KIF26B: variants seen among roughly 807,000 people sequenced by gnomAD.
KIF26B encodes kinesin-like protein KIF26B.
In KIF26B, 63 loss-of-function variants were observed where a neutral mutation model predicts 151.2. The ratio of observed to expected loss-of-function variants is 0.42; its 90% CI spans 0.34 to 0.51. The LOEUF is 0.51. Among genes scored for constraint, KIF26B ranks in the 20% least tolerant of loss-of-function variants. The pLI, the probability that KIF26B is intolerant of heterozygous loss-of-function variation, is 0.07. For missense variants in KIF26B, 2,813 were observed against 2,913.6 expected (o/e 0.97, Z 0.79); for synonymous variants, 1,357 against 1,262.1 (o/e 1.08, Z -1.59).
At chr1:245,691,289 C>T (rs537118529) in intron 12 of KIF26B, among the ~76,000 whole-genome samples, 1 of 152,358 alleles carries the variant, frequency 6.6e-6, no homozygotes, top group South Asian at 2.1e-4. Context: ...CGCCCTTGCT[C>T]TGGGCTAAGT....
Position 245,702,024 on chromosome 1 carries a change from G to A in KIF26B, c.6179-434G>A, listed in dbSNP as rs773422927. Among the ~76,000 whole-genome samples, 59 of 152,202 alleles carry A rather than the reference G, an allele frequency of 3.9e-4. No homozygotes were observed. The highest frequency in any genetic ancestry group is 1.2e-3 in the African/African-American group (48 of 41,446). The stretch of plus-strand genomic sequence containing the variant: ...GGCATCTGGGTTATAATCCAGAAAC[G>A]TCCTTTCATATAAGGAAGCAGAGGT... On this transcript the variant is annotated intron_variant, in intron 14 of 14. Coordinates refer to ENST00000407071, the MANE Select transcript of KIF26B (RefSeq NM_018012.4). This position sits in a 1 kb window ranked among gnomAD's most constrained non-coding sequence, Gnocchi z 4.1.
At chr1:245,174,874 T>C (rs979852152) in intron 2 of KIF26B, among the ~76,000 whole-genome samples, 3 of 152,202 alleles carry the variant, frequency 2.0e-5, no homozygotes, top group Non-Finnish European at 4.4e-5. Flanking sequence ...ATTTACCTTT[T>C]TGCAGGTGTC....
At chr1:245,612,138 C>T (rs1490699650) in intron 9 of KIF26B, among the ~76,000 whole-genome samples, 162 bp downstream of exon 9, 1 of 146,208 alleles carries the variant, frequency 6.8e-6, no homozygotes, top group African/African-American at 2.5e-5. Flanking sequence ...GAGACAGGGT[C>T]TTGCTCTGTC....
intron 2 of KIF26B, among the ~76,000 whole-genome samples, chr1:245,267,612 C>A (rs1174376113): frequency 6.7e-6 from 1 of 148,528 alleles, no homozygotes; most frequent in Non-Finnish European, 1.5e-5. Flanking sequence ...AGAACAGATA[C>A]TACTGGCGAC....
At chr1:245,620,434 C>T (rs552050384) in intron 9 of KIF26B, among the ~76,000 whole-genome samples, 1 of 152,234 alleles carries the variant, frequency 6.6e-6, no homozygotes, top group African/African-American at 2.4e-5. Flanking sequence ...GGGTCTCACT[C>T]TGTCACCCAG....
At chr1:245,577,034 G>A (rs2043125270) in intron 5 of KIF26B, among the ~76,000 whole-genome samples, 1 of 152,082 alleles carries the variant, frequency 6.6e-6, no homozygotes, top group Admixed American at 6.5e-5. Flanking sequence ...TTTATGTTAT[G>A]ATTCATATCT....
At chr1:245,549,787 C>CT (rs35606217) in intron 5 of KIF26B, among the ~76,000 whole-genome samples, 46,985 of 148,380 alleles carry the variant, frequency 0.32, 7,877 homozygotes, top group Non-Finnish European at 0.38. Flanking sequence ...CCGATACATT[C>CT]TTTTTTTTTT....
intron 3 of KIF26B, among the ~76,000 whole-genome samples, chr1:245,398,496 G>A (rs1434814536): frequency 6.6e-6 from 1 of 152,050 alleles, no homozygotes; most frequent in East Asian, 1.9e-4. Context: ...AGACACCTGG[G>A]ATGATCCTGA....
rs1324776884 is a variant in KIF26B at position 245,509,422 on chromosome 1, T to TGTAG, written c.1167-31344_1167-31341dup. 6.6e-5 allele frequency among the ~76,000 whole-genome samples: 10 copies of TGTAG among 152,296 alleles called. No homozygotes were observed. The East Asian group carries it at 1.9e-3, about 29-fold the overall frequency. On this transcript the variant is annotated intron_variant, in intron 4 of 14. Coordinates refer to ENST00000407071, the MANE Select transcript of KIF26B (RefSeq NM_018012.4). ...CAGGTAAAGGGAACAGCATAGCACG[T>TGTAG]GTAGTGATTCTTCTCCCTCCTCATT...
At position 245,167,443 on chromosome 1, in the gene KIF26B, G is replaced by A. The variant is rs772375371; in HGVS notation, c.465+10760G>A. Among the ~76,000 whole-genome samples, 1 of 152,058 alleles carries A rather than the reference G, an allele frequency of 6.6e-6. No homozygotes were observed. Among genetic ancestry groups the A allele is most frequent in the Non-Finnish European group, 1.5e-5 (1 of 68,030 alleles). On this transcript the variant is annotated intron_variant, in intron 2 of 14. Coordinates refer to ENST00000407071, the MANE Select transcript of KIF26B (RefSeq NM_018012.4). This position sits in a 1 kb window ranked among gnomAD's most constrained non-coding sequence, Gnocchi z 4.2. The stretch of plus-strand genomic sequence containing the variant: ...CACTTCCCCATGAAACTCTATCATC[G>A]TATTTAGAGTGGTTGCTTTCTTTGG...
chr1:245,391,844 T>G (rs1256593245), intron 3 of KIF26B, among the ~76,000 whole-genome samples: 1 of 152,048 alleles, frequency 6.6e-6, no homozygotes, highest in African/African-American at 2.4e-5. Flanking sequence ...TCTAGTATGG[T>G]GACTATCAAT....
intron 2 of KIF26B, among the ~76,000 whole-genome samples, chr1:245,162,753 A>G (rs568863775): frequency 2.8e-4 from 42 of 152,330 alleles, no homozygotes; most frequent in African/African-American, 8.4e-4. Context: ...AATATTTGTC[A>G]AGATATCAAC....
chr1:245,313,541 G>A lies in KIF26B; in HGVS notation c.466-53293G>A, dbSNP rs555819194. Reference sequence around the variant, plus strand: ...AGTGTGTAAGAAGGGGAGAAGACCCGGAAATACTGGTGACCACTAGCCATG... The same window carrying A: ...AGTGTGTAAGAAGGGGAGAAGACCCAGAAATACTGGTGACCACTAGCCATG... On this transcript the variant is annotated intron_variant, in intron 2 of 14. Transcript: ENST00000407071. 9.8e-5 allele frequency among the ~76,000 whole-genome samples: 15 copies of A among 152,290 alleles called. 1 individual carries two copies. In the South Asian group the frequency reaches 1.9e-3, roughly 19 times the overall value.
At chr1:245,238,024 T>C (rs1461511752) in intron 2 of KIF26B, among the ~76,000 whole-genome samples, 2 of 89,682 alleles carry the variant, frequency 2.2e-5, no homozygotes, top group Admixed American at 1.3e-4. Context: ...AGACCCTGTC[T>C]CAAAAAAAAA....
At chr1:245,582,677 A>G (rs1469876422) in intron 5 of KIF26B, among the ~76,000 whole-genome samples, 4 of 152,198 alleles carry the variant, frequency 2.6e-5, no homozygotes, top group African/African-American at 9.6e-5. Context: ...TGTGGTAGAA[A>G]AGAAAATGCA....
Position 245,166,638 on chromosome 1 carries a change from C to T in KIF26B, c.465+9955C>T, listed in dbSNP as rs554743234. The stretch of plus-strand genomic sequence containing the variant: ...GAGAGCAGATTTCCTCCAGTGACTG[C>T]GCATGCGATGTGCAGATCTGAGCCG... On this transcript the variant is annotated intron_variant, in intron 2 of 14. Transcript: ENST00000407071. This position sits in a 1 kb window ranked among gnomAD's most constrained non-coding sequence, Gnocchi z 4.5. 2.0e-5 allele frequency among the ~76,000 whole-genome samples: 3 copies of T among 152,174 alleles called. No homozygotes were observed. The East Asian group carries it at 5.8e-4, about 29-fold the overall frequency.
At chr1:245,256,928 T>C (rs1224506733) in intron 2 of KIF26B, among the ~76,000 whole-genome samples, 1 of 152,214 alleles carries the variant, frequency 6.6e-6, no homozygotes, top group East Asian at 1.9e-4. Context: ...CTGTGGAGAA[T>C]CTCCTTCCCT....
At position 245,367,333 on chromosome 1, in the gene KIF26B, C is replaced by G; in HGVS notation, c.965C>G (p.Ser322Trp). ...TACCTGGATGGCACCTGGTCCCTGT[C>G]GAGAACCAACGGGGTCACCCTGTAC... is the stretch of plus-strand genomic sequence containing the variant. ...HQYLDGTWSL[S>W]RTNGVTLYPY... Residue 322 changes from serine to tryptophan, a missense_variant, in exon 3 of 15, where the codon TCG becomes TGG. Ser to Trp is a radical substitution (Grantham distance 177, BLOSUM62 -3). Transcript: ENST00000407071. The surrounding 1 kb of genome is among the most constrained non-coding windows in gnomAD (Gnocchi z 4.2). 2 of 1,594,100 alleles carry G rather than the reference C, an allele frequency of 1.3e-6. No homozygotes were observed. The highest frequency in any genetic ancestry group is 1.7e-6 in the Non-Finnish European group (2 of 1,170,418).
At chr1:245,591,532 G>A (rs769607915) in intron 5 of KIF26B, among the ~76,000 whole-genome samples, 6 of 152,274 alleles carry the variant, frequency 3.9e-5, no homozygotes, top group South Asian at 4.1e-4. Context: ...AACCCAGGCC[G>A]CCTGTCTCCA....
Sources: gnomAD v4.1 joint callset for allele counts (sites outside exome capture counted in the v4.1 genomes callset) on GRCh38, gnomAD v4.1.1 for gene constraint, Gnocchi (gnomAD v3.1) non-coding constraint, MANE v1.5 for transcripts, NCBI Gene and HGNC (gene_info 2026-07-23, HGNC 2026-07-21) for gene names.